Variants in PPP1R12C observed in about 807,000 individuals in gnomAD.
The protein encoded by PPP1R12C is protein phosphatase 1 regulatory subunit 12C, also known as leukocyte receptor cluster (LRC) encoded novel gene 3.
Under a neutral mutation model 95.6 loss-of-function variants are expected in PPP1R12C, and 48 were observed. The ratio of observed to expected loss-of-function variants is 0.50; its 90% CI spans 0.40 to 0.64. The LOEUF (loss-of-function observed/expected upper bound fraction) is 0.64, where lower values mean the gene tolerates loss of function less well. Among genes scored for constraint, PPP1R12C ranks in the 30% least tolerant of loss-of-function variants. The probability of loss-of-function intolerance (pLI) is 0.00; values close to 1 mark genes in which losing one functional copy is unlikely to be tolerated. For synonymous variants in PPP1R12C, 480 were observed against 460.8 expected, an observed-to-expected ratio of 1.04 and a Z score of -0.53; for missense variants, 1,057 against 1,083.3, an observed-to-expected ratio of 0.98 and a Z score of 0.34.
chr19:55,103,581 G>C lies in PPP1R12C; in HGVS notation c.572-13C>G. The stretch of plus-strand genomic sequence containing the variant: ...TCCACATCCACACCTAGGAGGATAA[G>C]AGGCACGAGGTAGGACTCACACCCC... On this transcript the variant is annotated splice_polypyrimidine_tract_variant and intron_variant, in intron 3 of 21. Transcript: ENST00000263433. 6.4e-7 allele frequency: 1 copy of C among 1,556,758 alleles called. No homozygotes were observed. Among genetic ancestry groups the C allele is most frequent in the Non-Finnish European group, 8.8e-7 (1 of 1,141,004 alleles).
chr19:55,092,249 G>A lies in PPP1R12C; in HGVS notation c.2133C>T (p.Leu711=). The A allele has an allele frequency of 6.3e-7, 1 of 1,587,628 alleles. No individual in the cohort carries two copies. The highest frequency in any genetic ancestry group is 1.1e-5 in the South Asian group (1 of 87,830). ...LTETTLRLAQ[L]KVELERATQR... is the part of the protein sequence containing the mutation. ...GCGTGGCCCGCTCCAGCTCCACCTT[G>A]AGCTGCGCCAGCCGCAGCGTGGTCT... Residue 711 remains leucine, a synonymous_variant, in exon 19 of 22, where the codon CTC becomes CTT. Coordinates refer to ENST00000263433, the MANE Select transcript of PPP1R12C (RefSeq NM_017607.4).
chr19:55,093,138 G>A lies in PPP1R12C; in HGVS notation c.1764+15C>T, dbSNP rs760278509. 6 of 1,613,482 alleles carry A rather than the reference G, an allele frequency of 3.7e-6. No homozygotes were observed. Among genetic ancestry groups the A allele is most frequent in the Non-Finnish European group, 5.1e-6 (6 of 1,179,896 alleles). The stretch of plus-strand genomic sequence containing the variant: ...ATCCCGCACCACCCCACTCGCCCTC[G>A]CTGACCCCTCTCACCAGGCTCTGCG... On this transcript the variant is annotated intron_variant, in intron 14 of 21. Coordinates refer to ENST00000263433, the MANE Select transcript of PPP1R12C (RefSeq NM_017607.4).
intron 4 of PPP1R12C, 152 bp from the exon 5 acceptor site, chr19:55,099,247 C>A (rs2084955941): frequency 2.3e-6 from 2 of 853,884 alleles, no homozygotes; most frequent in Non-Finnish European, 3.4e-6. Flanking sequence ...GCATCCGCTG[C>A]CACAAGAGGC....
chr19:55,097,980 C>T (rs999176766), intron 6 of PPP1R12C, among the ~76,000 whole-genome samples: 1 of 152,178 alleles, frequency 6.6e-6, no homozygotes, highest in Non-Finnish European at 1.5e-5. Flanking sequence ...CCCACACTTG[C>T]CCCCCAGCCT....
intron 3 of PPP1R12C, among the ~76,000 whole-genome samples, chr19:55,104,042 A>C (rs1270951227): frequency 6.7e-6 from 1 of 148,758 alleles, no homozygotes; most frequent in Non-Finnish European, 1.5e-5. Flanking sequence ...AGGTGGCTGT[A>C]GTCCCAGCTA....
chr19:55,112,854 C>A, intron 1 of PPP1R12C, 59 bp from the exon 2 acceptor site: 1 of 1,601,246 alleles, frequency 6.2e-7, no homozygotes, highest in South Asian at 1.1e-5. Flanking sequence ...CCCAGCAAGT[C>A]GGGACTCCAG....
intron 3 of PPP1R12C, among the ~76,000 whole-genome samples, chr19:55,105,525 T>G (rs1391183516): frequency 1.3e-5 from 2 of 152,158 alleles, no homozygotes; most frequent in Non-Finnish European, 2.9e-5. Flanking sequence ...AACATAAAAT[T>G]TACCAACTTC....
intron 16 of PPP1R12C, 22 bp from the exon 17 acceptor site, chr19:55,092,684 T>G (rs1602968789): frequency 6.6e-7 from 1 of 1,516,634 alleles, no homozygotes; most frequent in African/African-American, 1.4e-5. Flanking sequence ...TAGACGGGGG[T>G]TCAATGGGTA....
At position 55,094,442 on chromosome 19, in the gene PPP1R12C, G is replaced by A; in HGVS notation, c.1593-7C>T. The A allele has an allele frequency of 1.9e-6, 3 of 1,613,620 alleles. No individual in the cohort carries two copies. On this transcript the variant is annotated splice_region_variant and splice_polypyrimidine_tract_variant and intron_variant, in intron 12 of 21. Coordinates refer to ENST00000263433, the MANE Select transcript of PPP1R12C (RefSeq NM_017607.4). ...CACAGGCATCTGGTAGGACCTGAGG[G>A]AAGGGTCCCAACCTCAGACAGGGAA...
intron 6 of PPP1R12C, among the ~76,000 whole-genome samples, chr19:55,096,617 A>C (rs1462392240): frequency 6.6e-6 from 1 of 151,898 alleles, no homozygotes; most frequent in Non-Finnish European, 1.5e-5. Context: ...TCTAGCTCCC[A>C]GGGGAGACCT....
chr19:55,117,586 C>G lies in PPP1R12C; in HGVS notation c.-43G>C, dbSNP rs1008119597. On this transcript the variant is annotated 5_prime_UTR_variant, in exon 1 of 22. Transcript: ENST00000263433. ...CAGCGAGCGAGCGAGCGCCGAGCCC[C>G]AACCGCCGCCACCACCCGCCCGCCC... 1.0e-5 allele frequency: 10 copies of G among 981,306 alleles called. No homozygotes were observed. In the South Asian group the frequency reaches 4.1e-4, roughly 40 times the overall value. 60.8% of individuals were successfully genotyped at this position (981,306 alleles called of 1,614,324 possible). A position where few individuals can be genotyped will look rare whatever the true frequency, so the allele number is the denominator to read the frequency against.
intron 4 of PPP1R12C, among the ~76,000 whole-genome samples, chr19:55,101,646 G>A (rs1259593418): frequency 1.3e-5 from 2 of 152,238 alleles, no homozygotes; most frequent in Non-Finnish European, 2.9e-5. Flanking sequence ...CAGGACTCAG[G>A]GGTGGAAGCC....
At chr19:55,102,221 A>C (rs1226451193) in intron 4 of PPP1R12C, among the ~76,000 whole-genome samples, 2 of 152,178 alleles carry the variant, frequency 1.3e-5, no homozygotes, top group East Asian at 3.9e-4. Context: ...TTTAAACTAT[A>C]TATGCACCTT....
chr19:55,095,318 G>A lies in PPP1R12C; in HGVS notation c.1427C>T (p.Ser476Phe), dbSNP rs769031424. Residue 476 changes from serine to phenylalanine, a missense_variant, in exon 11 of 22, where the codon TCC becomes TTC. Ser to Phe is a radical substitution (Grantham distance 155, BLOSUM62 -2). Transcript: ENST00000263433. Reference sequence around the variant, plus strand: ...GACAGAGGGCTCCGGCAGCTTCGGGGAGGGGGTCGGGGTAATTCTGGCAAG... The same window carrying A: ...GACAGAGGGCTCCGGCAGCTTCGGGAAGGGGGTCGGGGTAATTCTGGCAAG... ...LRLARITPTP[S>F]PKLPEPSVLS... The A allele has an allele frequency of 1.9e-6, 3 of 1,587,570 alleles. No individual in the cohort carries two copies. In the Admixed American group the frequency reaches 5.3e-5, roughly 28 times the overall value.
At chr19:55,112,629 C>A (rs1455470285) in intron 2 of PPP1R12C, 36 bp downstream of exon 2, 1 of 1,612,486 alleles carries the variant, frequency 6.2e-7, no homozygotes, top group Non-Finnish European at 8.5e-7. Flanking sequence ...AGGCCCCCAC[C>A]CCGACCAGGT....
At chr19:55,099,417 G>A (rs1433031513) in intron 4 of PPP1R12C, among the ~76,000 whole-genome samples, 4 of 152,182 alleles carry the variant, frequency 2.6e-5, no homozygotes, top group East Asian at 3.9e-4. Flanking sequence ...AGGCAGCTCC[G>A]GAGGATGCAA....
intron 3 of PPP1R12C, among the ~76,000 whole-genome samples, chr19:55,106,462 G>A (rs1042766636): frequency 7.2e-5 from 11 of 152,174 alleles, no homozygotes; most frequent in Non-Finnish European, 1.3e-4. Flanking sequence ...ATCAGCTCCC[G>A]TGTCCGCCCT....
chr19:55,110,869 CAAA>C (rs111683513), intron 3 of PPP1R12C, among the ~76,000 whole-genome samples: 1 of 64,284 alleles, frequency 1.6e-5, no homozygotes. Context: ...AACTCTGTTT[CAAA>C]AAAAAAAAAA....
At chr19:55,104,585 C>T (rs1349588748) in intron 3 of PPP1R12C, among the ~76,000 whole-genome samples, 3 of 151,768 alleles carry the variant, frequency 2.0e-5, no homozygotes, top group Admixed American at 1.3e-4. Context: ...TGCCTGTAAT[C>T]CCAGTTACTT....
Sources: allele counts gnomAD v4.1 joint callset (sites outside exome capture counted in the v4.1 genomes callset), GRCh38; gene constraint gnomAD v4.1.1; transcripts MANE v1.5; gene names NCBI Gene and HGNC (gene_info 2026-07-23, HGNC 2026-07-21).